ST6GALNAC3: variants seen among roughly 807,000 people sequenced by gnomAD.
The protein encoded by ST6GALNAC3 is alpha-N-acetylgalactosaminide alpha-2,6-sialyltransferase 3.
ST6GALNAC3 carries 25 observed loss-of-function variants against 32.7 expected under a neutral mutation model. The ratio of observed to expected loss-of-function variants is 0.76; its 90% CI spans 0.56 to 1.07. The LOEUF (loss-of-function observed/expected upper bound fraction) is 1.07. ST6GALNAC3 is among the 50% of genes least tolerant of loss of function. The pLI is 0.00. For missense variants in ST6GALNAC3, 355 were observed against 382.4 expected (o/e 0.93, Z 0.60); for synonymous variants, 129 against 133.1 (o/e 0.97, Z 0.21).
At chr1:76,550,287 G>T (rs1036007518) in intron 3 of ST6GALNAC3, among the ~76,000 whole-genome samples, 1 of 152,028 alleles carries the variant, frequency 6.6e-6, no homozygotes, top group Admixed American at 6.6e-5. Context: ...ACTTATAAAA[G>T]CTTTACAGTT....
chr1:76,417,165 G>C (rs1654701865), intron 3 of ST6GALNAC3, among the ~76,000 whole-genome samples: 2 of 151,030 alleles, frequency 1.3e-5, no homozygotes, highest in African/African-American at 4.9e-5. Flanking sequence ...AGATAGAGTA[G>C]GTTGCTTTCC....
chr1:76,210,066 T>C (rs765820684), intron 1 of ST6GALNAC3, among the ~76,000 whole-genome samples: 1 of 152,178 alleles, frequency 6.6e-6, no homozygotes, highest in Non-Finnish European at 1.5e-5. Context: ...TTTTCTTTTT[T>C]TCTTTTTATT....
chr1:76,634,141 T>C lies in ST6GALNAC3; in HGVS notation c.*5335T>C, dbSNP rs1485446515. 28 of 985,140 alleles carry C rather than the reference T, an allele frequency of 2.8e-5. No homozygotes were observed. The highest frequency in any genetic ancestry group is 3.1e-5 in the Non-Finnish European group (26 of 829,802). The allele number at this position is 985,140 out of a possible 1,614,324, so 61.0% of individuals were successfully genotyped here. A position where few individuals can be genotyped will look rare whatever the true frequency, so the allele number is the denominator to read the frequency against. ...CTTTCTCCACAGATACATCTCTTTTTGTTCACGCCTTGAAGACTTCAGAAA... is the reference window on the plus strand; with the variant it reads ...CTTTCTCCACAGATACATCTCTTTTCGTTCACGCCTTGAAGACTTCAGAAA... On this transcript the variant is annotated 3_prime_UTR_variant, in exon 5 of 5. Coordinates refer to ENST00000328299, the MANE Select transcript of ST6GALNAC3 (RefSeq NM_152996.4).
At chr1:76,410,663 G>A (rs1386453175) in intron 2 of ST6GALNAC3, among the ~76,000 whole-genome samples, 2 of 152,048 alleles carry the variant, frequency 1.3e-5, no homozygotes, top group African/African-American at 4.8e-5. Flanking sequence ...CACATCGCAG[G>A]TGCTCTATGA....
intron 3 of ST6GALNAC3, among the ~76,000 whole-genome samples, chr1:76,542,418 C>T (rs145879098): frequency 2.6e-5 from 4 of 152,120 alleles, no homozygotes; most frequent in Non-Finnish European, 5.9e-5. Flanking sequence ...AAAAATGAAG[C>T]CTGCTATGGA....
intron 1 of ST6GALNAC3, among the ~76,000 whole-genome samples, chr1:76,187,660 C>G (rs1364894025): frequency 6.6e-6 from 1 of 152,102 alleles, no homozygotes; most frequent in East Asian, 1.9e-4. Context: ...TGTCAACATG[C>G]AGACATCTGT....
intron 1 of ST6GALNAC3, among the ~76,000 whole-genome samples, chr1:76,218,211 T>G (rs1655579072): frequency 2.0e-5 from 3 of 152,220 alleles, no homozygotes; most frequent in Admixed American, 6.5e-5. Context: ...ATGGCCATTC[T>G]GCAAACCCAA....
At chr1:76,122,253 T>C (rs1648928123) in intron 1 of ST6GALNAC3, among the ~76,000 whole-genome samples, 1 of 152,200 alleles carries the variant, frequency 6.6e-6, no homozygotes, top group African/African-American at 2.4e-5. Flanking sequence ...GAAGTTTAAA[T>C]CTAGGTCTTC....
intron 3 of ST6GALNAC3, among the ~76,000 whole-genome samples, chr1:76,583,882 C>A (rs780708528): frequency 2.6e-5 from 4 of 152,190 alleles, no homozygotes; most frequent in Non-Finnish European, 4.4e-5. Context: ...AGCTACATAA[C>A]AATGTTGACC....
intron 3 of ST6GALNAC3, among the ~76,000 whole-genome samples, chr1:76,541,828 A>G (rs1254824766): frequency 6.6e-6 from 1 of 152,210 alleles, no homozygotes; most frequent in Non-Finnish European, 1.5e-5. Context: ...AGAATGCCAC[A>G]GGCAGCTCTG....
intron 1 of ST6GALNAC3, among the ~76,000 whole-genome samples, chr1:76,238,889 A>G (rs1172337400): frequency 6.6e-6 from 1 of 151,398 alleles, no homozygotes; most frequent in Non-Finnish European, 1.5e-5. Context: ...AGTCTTTCTC[A>G]ATCTGGGACA....
chr1:76,209,831 T>C (rs1332867237), intron 1 of ST6GALNAC3, among the ~76,000 whole-genome samples: 1 of 152,218 alleles, frequency 6.6e-6, no homozygotes, highest in Admixed American at 6.5e-5. Context: ...GGGCCACCCT[T>C]CCTGCTGAAT....
At chr1:76,590,530 C>T (rs1647030965) in intron 3 of ST6GALNAC3, among the ~76,000 whole-genome samples, 1 of 152,192 alleles carries the variant, frequency 6.6e-6, no homozygotes, top group South Asian at 2.1e-4. Context: ...TTTAACAACA[C>T]TGCTAATACT....
Position 76,493,757 on chromosome 1 carries a change from C to T in ST6GALNAC3, c.623+81340C>T, listed in dbSNP as rs144013039. On this transcript the variant is annotated intron_variant, in intron 3 of 4. Transcript: ENST00000328299. ...TGTATTGATTTATCTGTTAGGCCCACTTTGTCATTTTAACATGCATATTAA... is the reference window on the plus strand; with the variant it reads ...TGTATTGATTTATCTGTTAGGCCCATTTTGTCATTTTAACATGCATATTAA... 2.2e-4 allele frequency among the ~76,000 whole-genome samples: 34 copies of T among 152,184 alleles called. No individual in the cohort carries two copies. The South Asian group carries it at 4.4e-3, about 20-fold the overall frequency.
intron 2 of ST6GALNAC3, among the ~76,000 whole-genome samples, chr1:76,394,532 G>A (rs1652797066): frequency 6.6e-6 from 1 of 152,044 alleles, no homozygotes; most frequent in African/African-American, 2.4e-5. Context: ...GCCACTATAT[G>A]ATAAATTTCT....
At chr1:76,188,115 G>A (rs955973543) in intron 1 of ST6GALNAC3, among the ~76,000 whole-genome samples, 4 of 152,212 alleles carry the variant, frequency 2.6e-5, no homozygotes, top group Admixed American at 2.6e-4. Flanking sequence ...TGTAAGCCCA[G>A]CACTTTGGGA....
At chr1:76,135,726 C>A (rs1186725049) in intron 1 of ST6GALNAC3, among the ~76,000 whole-genome samples, 1 of 152,196 alleles carries the variant, frequency 6.6e-6, no homozygotes, top group Non-Finnish European at 1.5e-5. Context: ...AGGATTTCTC[C>A]TTTCAGGCAA....
chr1:76,612,362 A>G (rs1422396311), intron 3 of ST6GALNAC3, among the ~76,000 whole-genome samples: 2 of 152,202 alleles, frequency 1.3e-5, no homozygotes, highest in Non-Finnish European at 2.9e-5. Context: ...TGTGGGAAGC[A>G]AAGAAACAGA....
chr1:76,141,679 C>T (rs560611674), intron 1 of ST6GALNAC3, among the ~76,000 whole-genome samples: 1 of 152,082 alleles, frequency 6.6e-6, no homozygotes, highest in Non-Finnish European at 1.5e-5. Context: ...AGATTTATAA[C>T]AAAGTTTTTG....
Sources: allele counts gnomAD v4.1 joint callset (sites outside exome capture counted in the v4.1 genomes callset), GRCh38; gene constraint gnomAD v4.1.1; transcripts MANE v1.5; gene names NCBI Gene and HGNC (gene_info 2026-07-23, HGNC 2026-07-21).